The following NRXN3 variants were observed in gnomAD, a reference collection of about 807,000 sequenced individuals.
The protein encoded by NRXN3 is neurexin 3.
In NRXN3, 32 loss-of-function variants were observed where a neutral mutation model predicts 137.6. That is an observed-to-expected ratio of 0.23 (90% CI 0.18 to 0.31). NRXN3 has a LOEUF of 0.31. Ranked by LOEUF, NRXN3 falls within the 10% of genes least tolerant of loss-of-function variation. The pLI is 1.00. For missense variants in NRXN3, 1,574 were observed against 2,062.5 expected (o/e 0.76, Z 4.59); for synonymous variants, 798 against 784.5 (o/e 1.02, Z -0.29).
Position 78,813,507 on chromosome 14 carries a change from A to G in NRXN3, c.2275+3163A>G, listed in dbSNP as rs1045178472. On this transcript the variant is annotated intron_variant, in intron 10 of 20. Transcript: ENST00000335750. ...GGGTACCTTGCTTAATTTTCAAAAC[A>G]GAGCTTCTTTTTTTTTTCCCCCTTG... 3.9e-5 allele frequency among the ~76,000 whole-genome samples: 6 copies of G among 152,246 alleles called. No individual in the cohort carries two copies. In the East Asian group the frequency reaches 1.2e-3, roughly 29 times the overall value.
At chr14:79,772,593 G>A (rs1456422501) in intron 19 of NRXN3, among the ~76,000 whole-genome samples, 1 of 152,152 alleles carries the variant, frequency 6.6e-6, no homozygotes, top group Non-Finnish European at 1.5e-5. Context: ...GCTCAAACTG[G>A]ATCCCTTCCT....
chr14:79,268,812 T>C (rs2078844540), intron 15 of NRXN3, among the ~76,000 whole-genome samples: 1 of 152,202 alleles, frequency 6.6e-6, no homozygotes, highest in African/African-American at 2.4e-5. Context: ...GAGATACTTA[T>C]AATAATATAT....
At chr14:79,571,114 A>T (rs906223644) in intron 16 of NRXN3, among the ~76,000 whole-genome samples, 1 of 152,124 alleles carries the variant, frequency 6.6e-6, no homozygotes, top group Non-Finnish European at 1.5e-5. Flanking sequence ...ATAAAATGCT[A>T]TTCATTCTTC....
At chr14:79,363,147 C>T (rs531932986) in intron 15 of NRXN3, among the ~76,000 whole-genome samples, 1 of 152,162 alleles carries the variant, frequency 6.6e-6, no homozygotes, top group Non-Finnish European at 1.5e-5. Flanking sequence ...ATTATAGGCG[C>T]CCACAACCGC....
intron 10 of NRXN3, among the ~76,000 whole-genome samples, chr14:78,933,009 G>T (rs1047902639): frequency 2.0e-5 from 3 of 152,112 alleles, no homozygotes; most frequent in African/African-American, 7.2e-5. Flanking sequence ...TCCAATATTT[G>T]CAGTTGAAAT....
chr14:79,274,121 A>G (rs1402301844), intron 15 of NRXN3, among the ~76,000 whole-genome samples: 1 of 148,970 alleles, frequency 6.7e-6, no homozygotes, highest in Non-Finnish European at 1.5e-5. Context: ...AAAAAAAAAG[A>G]GGCTAAGATC....
chr14:78,369,112 T>G (rs1390127168), intron 4 of NRXN3, among the ~76,000 whole-genome samples: 2 of 152,120 alleles, frequency 1.3e-5, no homozygotes, highest in Non-Finnish European at 2.9e-5. Flanking sequence ...TTTATCTACC[T>G]GTGAAATGAA....
chr14:79,045,536 A>T (rs1356291708), intron 15 of NRXN3, among the ~76,000 whole-genome samples: 1 of 151,934 alleles, frequency 6.6e-6, no homozygotes, highest in East Asian at 1.9e-4. Context: ...CCTAGAACAA[A>T]GGGTTCCCAT....
At chr14:78,692,819 G>A (rs1257291084) in intron 6 of NRXN3, among the ~76,000 whole-genome samples, 1 of 149,536 alleles carries the variant, frequency 6.7e-6, no homozygotes, top group African/African-American at 2.5e-5. Context: ...AGTGGCTCAC[G>A]CCTGTAATCC....
intron 14 of NRXN3, among the ~76,000 whole-genome samples, chr14:78,987,633 C>T (rs376404818): frequency 6.6e-6 from 1 of 151,678 alleles, no homozygotes; most frequent in East Asian, 1.9e-4. Flanking sequence ...AAACACTGTG[C>T]CTTAATTTAT....
chr14:79,357,032 A>G (rs1358149990), intron 15 of NRXN3, among the ~76,000 whole-genome samples: 2 of 152,154 alleles, frequency 1.3e-5, no homozygotes, highest in Non-Finnish European at 2.9e-5. Flanking sequence ...CCAGCCTGAT[A>G]TGTTCAATTT....
intron 8 of NRXN3, among the ~76,000 whole-genome samples, chr14:78,780,847 AAG>A (rs1173306870): frequency 6.6e-6 from 1 of 152,230 alleles, no homozygotes; most frequent in Non-Finnish European, 1.5e-5. Context: ...TCATATCTTA[AAG>A]AGTGGGAATG....
intron 4 of NRXN3, among the ~76,000 whole-genome samples, chr14:78,308,858 G>A (rs1013886928): frequency 2.0e-5 from 3 of 152,074 alleles, no homozygotes; most frequent in African/African-American, 7.2e-5. Flanking sequence ...ATTTGTTACT[G>A]TAATCCATTG....
At chr14:79,820,296 G>A (rs771158999) in intron 20 of NRXN3, among the ~76,000 whole-genome samples, 1 of 152,136 alleles carries the variant, frequency 6.6e-6, no homozygotes, top group Non-Finnish European at 1.5e-5. Context: ...GCAAAAGCAT[G>A]TATTTATATC....
intron 15 of NRXN3, among the ~76,000 whole-genome samples, chr14:79,094,105 G>A (rs966698145): frequency 6.6e-6 from 1 of 152,076 alleles, no homozygotes; most frequent in African/African-American, 2.4e-5. Flanking sequence ...AGTGGGTAAA[G>A]GACAGAGAAA....
chr14:79,544,966 T>C (rs1387488199), intron 16 of NRXN3, among the ~76,000 whole-genome samples: 1 of 152,170 alleles, frequency 6.6e-6, no homozygotes, highest in African/African-American at 2.4e-5. Flanking sequence ...GGTCTAGAGA[T>C]GTTCATAGTC....
intron 15 of NRXN3, among the ~76,000 whole-genome samples, chr14:79,186,999 G>T (rs944340343): frequency 6.6e-6 from 1 of 152,080 alleles, no homozygotes; most frequent in Non-Finnish European, 1.5e-5. Context: ...TAAATGAAGG[G>T]AAATAAACAT....
chr14:79,049,983 G>T (rs2099639569), intron 15 of NRXN3, among the ~76,000 whole-genome samples: 1 of 152,100 alleles, frequency 6.6e-6, no homozygotes, highest in South Asian at 2.1e-4. Context: ...TTTCTGTCCT[G>T]CAGCTCACCA....
At position 78,942,504 on chromosome 14, in the gene NRXN3, A is replaced by T. The variant is rs192098217; in HGVS notation, c.2276-14738A>T. ...ATTTATTCAAGTAGGGTTGGGACCTAAAAATTTGCCAAATATATCATAATG... is the reference window on the plus strand; with the variant it reads ...ATTTATTCAAGTAGGGTTGGGACCTTAAAATTTGCCAAATATATCATAATG... On this transcript the variant is annotated intron_variant, in intron 10 of 20. Transcript: ENST00000335750. Among the ~76,000 whole-genome samples the T allele has an allele frequency of 2.2e-3, 331 of 152,336 alleles. 5 individuals carry two copies. The highest frequency in any genetic ancestry group is 2.6e-4 in the Non-Finnish European group (18 of 68,026).
Sources: gnomAD v4.1 joint callset for allele counts (sites outside exome capture counted in the v4.1 genomes callset) on GRCh38, gnomAD v4.1.1 for gene constraint, MANE v1.5 for transcripts, NCBI Gene and HGNC (gene_info 2026-07-23, HGNC 2026-07-21) for gene names.